RASSF3: variants seen among roughly 807,000 people sequenced by gnomAD.
RASSF3 encodes the protein Ras association domain family member 3, also known as ras association domain-containing protein 3.
In RASSF3, 19 loss-of-function variants were observed where a neutral mutation model predicts 19.9. That is an observed-to-expected ratio of 0.96 (90% CI 0.67 to 1.40). The LOEUF is 1.40. RASSF3 is among the 40% of genes most tolerant of loss of function. The pLI is 0.00. For missense variants in RASSF3, 306 were observed against 289.8 expected, an observed-to-expected ratio of 1.06 and a Z score of -0.41; for synonymous variants, 110 against 104.2, an observed-to-expected ratio of 1.06 and a Z score of -0.34.
At chr12:64,603,171 T>TTG (rs1033976314) in intron 2 of RASSF3, among the ~76,000 whole-genome samples, 3 of 151,864 alleles carry the variant, frequency 2.0e-5, no homozygotes, top group Non-Finnish European at 2.9e-5. Context: ...AACTTTTTTT[T>TTG]TTGTTGTTGT....
chr12:64,537,795 C>T (rs1868860114), intron 1 of RASSF3, among the ~76,000 whole-genome samples: 1 of 152,086 alleles, frequency 6.6e-6, no homozygotes, highest in Non-Finnish European at 1.5e-5. Context: ...AACAAAATAC[C>T]ACAGACTGAG....
intron 2 of RASSF3, among the ~76,000 whole-genome samples, chr12:64,588,100 A>G (rs1222051238): frequency 6.6e-6 from 1 of 151,858 alleles, no homozygotes; most frequent in African/African-American, 2.4e-5. Flanking sequence ...TTTTTTTTTG[A>G]GACATGGTCT....
intron 1 of RASSF3, among the ~76,000 whole-genome samples, chr12:64,682,446 A>G (rs1190462504): frequency 6.6e-6 from 1 of 152,018 alleles, no homozygotes; most frequent in African/African-American, 2.4e-5. Context: ...GGGCGCCTGT[A>G]GTCCCAGCTA....
Position 64,559,539 on chromosome 12 carries a change from G to A in RASSF3, c.294+17834G>A, listed in dbSNP as rs369463853. On this transcript the variant is annotated intron_variant, in intron 2 of 5. Coordinates refer to the RASSF3 transcript ENST00000637125. ...CCACCTCGGCCTCCCAAAGTGCTGG[G>A]ATTACAGGTGTGAGCCACCGCGCCT... is the stretch of plus-strand genomic sequence containing the variant. Among the ~76,000 whole-genome samples the A allele has an allele frequency of 1.8e-3, 279 of 152,204 alleles. 1 individual carries two copies. The highest frequency in any genetic ancestry group is 3.0e-3 in the Non-Finnish European group (207 of 68,020).
chr12:64,631,672 A>G (rs1171810134), intron 1 of RASSF3, among the ~76,000 whole-genome samples: 1 of 151,994 alleles, frequency 6.6e-6, no homozygotes, highest in Non-Finnish European at 1.5e-5. Context: ...CCCGGGTTCA[A>G]GATTCTCCTG....
At chr12:64,535,353 G>A (rs1440448669) in intron 1 of RASSF3, among the ~76,000 whole-genome samples, 2 of 151,910 alleles carry the variant, frequency 1.3e-5, no homozygotes, top group East Asian at 3.9e-4. Flanking sequence ...TTACAATAAG[G>A]GATAAATAGC....
At chr12:64,660,880 A>G (rs970784372) in intron 1 of RASSF3, among the ~76,000 whole-genome samples, 2 of 152,110 alleles carry the variant, frequency 1.3e-5, no homozygotes, top group African/African-American at 2.4e-5. Context: ...GGGGAGTCAC[A>G]TGGCCCTCTC....
chr12:64,670,315 C>T (rs1872657671), intron 1 of RASSF3, among the ~76,000 whole-genome samples: 2 of 151,180 alleles, frequency 1.3e-5, no homozygotes, highest in African/African-American at 4.9e-5. Context: ...ATTTTTATTT[C>T]CAAGGTTATT....
chr12:64,575,882 ATT>A lies in RASSF3; in HGVS notation c.294+34194_294+34195del, dbSNP rs766838564. 348 of 138,252 alleles carry A rather than the reference ATT, an allele frequency of 2.5e-3. 2 individuals carry two copies. Among genetic ancestry groups the A allele is most frequent in the African/African-American group, 8.7e-3 (326 of 37,656 alleles). 8.6% of individuals were successfully genotyped at this position (138,252 alleles called of 1,614,324 possible). ...GGTACATTCTGAAAATTCTCGACAG[ATT>A]TTTTTTTTTTTTTTTTCTTTTTGAG... On this transcript the variant is annotated intron_variant, in intron 2 of 5. Coordinates refer to the RASSF3 transcript ENST00000637125.
intron 1 of RASSF3, among the ~76,000 whole-genome samples, chr12:64,682,469 A>G (rs574217841): frequency 6.6e-6 from 1 of 151,752 alleles, no homozygotes; most frequent in Non-Finnish European, 1.5e-5. Flanking sequence ...CGGGAGGCTG[A>G]GGCAGGAGAA....
At chr12:64,596,195 A>C (rs1390073287) in intron 2 of RASSF3, among the ~76,000 whole-genome samples, 2 of 152,200 alleles carry the variant, frequency 1.3e-5, no homozygotes, top group African/African-American at 4.8e-5. Flanking sequence ...TGTTGAACCC[A>C]AGCATAAAAT....
chr12:64,535,332 A>C (rs1044421496), intron 1 of RASSF3, among the ~76,000 whole-genome samples: 2 of 152,030 alleles, frequency 1.3e-5, no homozygotes, highest in Non-Finnish European at 2.9e-5. Context: ...AAAAAACAAA[A>C]TAAACAACAT....
intron 1 of RASSF3, among the ~76,000 whole-genome samples, chr12:64,643,391 C>T (rs921167622): frequency 2.6e-5 from 4 of 151,876 alleles, no homozygotes; most frequent in African/African-American, 7.3e-5. Context: ...GTATAGAAGC[C>T]GGTGAGGTGG....
chr12:64,641,087 T>C (rs1435745237), intron 1 of RASSF3, among the ~76,000 whole-genome samples: 2 of 152,128 alleles, frequency 1.3e-5, no homozygotes, highest in Non-Finnish European at 2.9e-5. Context: ...ATCGTTTCCA[T>C]GTGACTTAGA....
intron 2 of RASSF3, among the ~76,000 whole-genome samples, chr12:64,558,072 A>G (rs561912103): frequency 1.5e-4 from 23 of 152,284 alleles, no homozygotes; most frequent in Admixed American, 1.4e-3. Flanking sequence ...AGGGTGCCCA[A>G]TATAGTAGGC....
intron 1 of RASSF3, among the ~76,000 whole-genome samples, chr12:64,629,642 T>A (rs1051487022): frequency 2.6e-5 from 4 of 152,110 alleles, no homozygotes; most frequent in Admixed American, 2.6e-4. Context: ...TTGGAAAAGT[T>A]GGCCTATGAA....
At chr12:64,681,476 A>C (rs1873124123) in intron 1 of RASSF3, among the ~76,000 whole-genome samples, 2 of 152,198 alleles carry the variant, frequency 1.3e-5, no homozygotes, top group Non-Finnish European at 1.5e-5. Flanking sequence ...ACTGGGGCCC[A>C]AGTCTTGCAG....
chr12:64,631,274 C>T (rs1270270244), intron 1 of RASSF3, among the ~76,000 whole-genome samples: 1 of 152,082 alleles, frequency 6.6e-6, no homozygotes, highest in African/African-American at 2.4e-5. Flanking sequence ...AGGGCTTGGC[C>T]ATGGGACAAG....
chr12:64,569,236 A>T (rs1261426394), intron 2 of RASSF3, among the ~76,000 whole-genome samples: 1 of 152,198 alleles, frequency 6.6e-6, no homozygotes. Context: ...TCTTCTAGAA[A>T]AGCCATGCTT....
Sources: allele counts gnomAD v4.1 joint callset (sites outside exome capture counted in the v4.1 genomes callset), GRCh38; gene constraint gnomAD v4.1.1; transcripts MANE v1.5; gene names NCBI Gene and HGNC (gene_info 2026-07-23, HGNC 2026-07-21).